Variants in USP43 observed in about 807,000 individuals in gnomAD.
The protein encoded by USP43 is ubiquitin carboxyl-terminal hydrolase 43.
A neutral mutation model predicts 90.7 loss-of-function variants in USP43; 33 were observed. The ratio of observed to expected loss-of-function variants is 0.36; its 90% CI spans 0.28 to 0.49. USP43 has a LOEUF of 0.49. Among genes scored for constraint, USP43 ranks in the 20% least tolerant of loss-of-function variants. The pLI is 0.98. For missense variants in USP43, 1,274 were observed against 1,476.4 expected (o/e 0.86, Z 2.25); for synonymous variants, 598 against 615.8 (o/e 0.97, Z 0.43).
intron 2 of USP43, among the ~76,000 whole-genome samples, chr17:9,659,585 G>GT (rs201511910): frequency 0.011 from 1,721 of 151,946 alleles, 37 homozygotes; most frequent in African/African-American, 0.039. Context: ...CTCTTATCCT[G>GT]TTTTTTTTAC....
rs755930719 is a variant in USP43 at position 9,728,170 on chromosome 17, C to G, written c.2552C>G (p.Ser851Trp). The G allele has an allele frequency of 3.1e-6, 5 of 1,613,928 alleles. No individual in the cohort carries two copies. Among genetic ancestry groups the G allele is most frequent in the Non-Finnish European group, 4.2e-6 (5 of 1,179,888 alleles). The stretch of plus-strand genomic sequence containing the variant: ...CGGTCCACGAGCCAGTCCATTGTGT[C>G]GCTGTTGACGGGCACTGCGGGTGAG... ...RPRSTSQSIV[S>W]LLTGTAGEDE... is the part of the protein sequence containing the mutation. The change falls in exon 15 of 15, where the codon TCG (serine) becomes TGG (tryptophan). Residue 851 changes from serine (S) to tryptophan (W), a missense_variant. Ser to Trp is a radical substitution (Grantham distance 177). Transcript: ENST00000285199. This position sits in a 1 kb window ranked among gnomAD's most constrained non-coding sequence, Gnocchi z 6.2.
At position 9,681,267 on chromosome 17, in the gene USP43, A is replaced by C. The variant is rs1405326724; in HGVS notation, c.1105+901A>C. On this transcript the variant is annotated intron_variant, in intron 6 of 14. Transcript: ENST00000285199. Reference sequence around the variant, plus strand: ...ATTTAATATGTATTTAATATATTTGATATATATTTAATAATTATATATGTT... The same window carrying C: ...ATTTAATATGTATTTAATATATTTGCTATATATTTAATAATTATATATGTT... Among the ~76,000 whole-genome samples the C allele has an allele frequency of 2.8e-5, 3 of 106,286 alleles. 1 individual carries two copies. In the Admixed American group the frequency reaches 3.9e-4, roughly 14 times the overall value. The allele number at this position is 106,286 out of a possible 152,430, so 69.7% of individuals were successfully genotyped here.
At chr17:9,693,399 A>C (rs754850818) in intron 9 of USP43, among the ~76,000 whole-genome samples, 169 bp downstream of exon 9, 2 of 151,038 alleles carry the variant, frequency 1.3e-5, no homozygotes, top group Non-Finnish European at 2.9e-5. Flanking sequence ...CTGTGCTTTG[A>C]ACCCGTATGT....
rs1365218092 is a variant in USP43 at position 9,645,662 on chromosome 17, AG to A, written c.35del (p.Gly12AspfsTer92). The A allele has an allele frequency of 1.6e-6, 2 of 1,268,126 alleles. No individual in the cohort carries two copies. Among genetic ancestry groups the A allele is most frequent in the Non-Finnish European group, 2.0e-6 (2 of 1,012,974 alleles). 78.6% of individuals were successfully genotyped at this position (1,268,126 alleles called of 1,614,324 possible). A position where few individuals can be genotyped will look rare whatever the true frequency, so the allele number is the denominator to read the frequency against. The stretch of plus-strand genomic sequence containing the variant: ...ACCTGGGCCCCGGGGACGCGGCAGG[AG>A]GGGGACCGCTCGCGCCCCGGCCCCG... MDLGPGDAAGGGPLAPRPRRR... is the reference protein window; with the variant it reads MDLGPGDAAGXGPLAPRPRRR... On this transcript the variant is annotated frameshift_variant, in exon 1 of 15. Transcript: ENST00000285199. LOFTEE classifies it high-confidence loss of function. The surrounding 1 kb of genome is among the most constrained non-coding windows in gnomAD (Gnocchi z 6.8).
intron 9 of USP43, among the ~76,000 whole-genome samples, chr17:9,694,085 A>G (rs1210099770): frequency 1.3e-5 from 2 of 152,150 alleles, no homozygotes; most frequent in Admixed American, 6.5e-5. Context: ...TGCAACATCT[A>G]TGGGGCAGTT....
chr17:9,687,456 A>T (rs1219583511), intron 8 of USP43, among the ~76,000 whole-genome samples: 1 of 152,202 alleles, frequency 6.6e-6, no homozygotes, highest in Non-Finnish European at 1.5e-5. Flanking sequence ...AAAAACTAAG[A>T]TAACTCAAAG....
intron 14 of USP43, among the ~76,000 whole-genome samples, chr17:9,719,023 G>C (rs577007118): frequency 6.6e-6 from 1 of 152,162 alleles, no homozygotes; most frequent in Non-Finnish European, 1.5e-5. Flanking sequence ...AGCTACTCGG[G>C]AGGCTGAGGC....
intron 14 of USP43, among the ~76,000 whole-genome samples, chr17:9,715,826 T>C (rs1916515532): frequency 1.3e-5 from 2 of 151,826 alleles, no homozygotes; most frequent in South Asian, 2.1e-4. Context: ...TCTCTGTGTG[T>C]CTATGTGTAT....
intron 8 of USP43, among the ~76,000 whole-genome samples, chr17:9,691,920 G>A (rs112982053): frequency 0.04 from 6,132 of 151,854 alleles, 390 homozygotes; most frequent in African/African-American, 0.14. Flanking sequence ...GCGGGCGCCC[G>A]TAGTCCCAGC....
At chr17:9,690,109 A>T (rs1469875419) in intron 8 of USP43, among the ~76,000 whole-genome samples, 1 of 152,068 alleles carries the variant, frequency 6.6e-6, no homozygotes, top group East Asian at 1.9e-4. Flanking sequence ...CTTGTGGCCG[A>T]TGCTCCCTGC....
chr17:9,728,077 G>C lies in USP43; in HGVS notation c.2459G>C (p.Gly820Ala), dbSNP rs1310977889. 1 of 1,613,824 alleles carries C rather than the reference G, an allele frequency of 6.2e-7. No individual in the cohort carries two copies. The highest frequency in any genetic ancestry group is 1.1e-5 in the South Asian group (1 of 91,064). The change falls in exon 15 of 15, where the codon GGA (glycine) becomes GCA (alanine). Residue 820 changes from glycine (G) to alanine (A), a missense_variant. Transcript: ENST00000285199. This position sits in a 1 kb window ranked among gnomAD's most constrained non-coding sequence, Gnocchi z 6.2. Reference protein sequence around the residue: ...FKTMPLRWSFGSKEKPPGASV... With the variant: ...FKTMPLRWSFASKEKPPGASV... Reference sequence around the variant, plus strand: ...ACCATGCCTCTGCGGTGGTCCTTTGGATCCAAGGAGAAACCACCAGGTGCC... The same window carrying C: ...ACCATGCCTCTGCGGTGGTCCTTTGCATCCAAGGAGAAACCACCAGGTGCC...
At chr17:9,700,462 T>C (rs1597868218) in intron 10 of USP43, among the ~76,000 whole-genome samples, 4 of 152,164 alleles carry the variant, frequency 2.6e-5, no homozygotes, top group Admixed American at 2.6e-4. Flanking sequence ...GTGGTGGTGG[T>C]GGGTGATGTC....
intron 6 of USP43, 116 bp downstream of exon 6, chr17:9,680,482 CTT>C (rs1311206592): frequency 7.6e-6 from 9 of 1,188,638 alleles, no homozygotes; most frequent in African/African-American, 3.0e-5. Context: ...AACAGTCAGA[CTT>C]ATTATCCCTG....
intron 14 of USP43, among the ~76,000 whole-genome samples, chr17:9,712,348 C>T (rs1916256723): frequency 6.6e-6 from 1 of 152,114 alleles, no homozygotes; most frequent in South Asian, 2.1e-4. Flanking sequence ...CTTTTCTCTG[C>T]CCCCGTGTAG....
chr17:9,682,749 A>G, intron 6 of USP43, 74 bp from the exon 7 acceptor site: 1 of 1,545,686 alleles, frequency 6.5e-7, no homozygotes, highest in Non-Finnish European at 8.8e-7. Flanking sequence ...AAGAGGGACT[A>G]GAGAAGCTAA....
At position 9,676,920 on chromosome 17, in the gene USP43, T is replaced by C. The variant is rs201747766; in HGVS notation, c.969+39T>C. 3.0e-5 allele frequency: 48 copies of C among 1,600,270 alleles called. No homozygotes were observed. In the African/African-American group the frequency reaches 4.7e-4, roughly 16 times the overall value. On this transcript the variant is annotated intron_variant, in intron 5 of 14. Coordinates refer to ENST00000285199, the MANE Select transcript of USP43 (RefSeq NM_153210.5). ...GCACTGGGGCCTGGTCATTGGATGATAGAATGCTAACTGAGCCAGCTGTCT... is the reference window on the plus strand; with the variant it reads ...GCACTGGGGCCTGGTCATTGGATGACAGAATGCTAACTGAGCCAGCTGTCT...
chr17:9,675,004 G>A, intron 4 of USP43, 21 bp downstream of exon 4: 1 of 1,604,848 alleles, frequency 6.2e-7, no homozygotes, highest in East Asian at 2.2e-5. Flanking sequence ...GTCGCGGCTT[G>A]CCCGGTGAAC....
At chr17:9,655,308 G>A (rs1912164341) in intron 1 of USP43, among the ~76,000 whole-genome samples, 2 of 152,158 alleles carry the variant, frequency 1.3e-5, no homozygotes, top group African/African-American at 4.8e-5. Context: ...ACACAGACAA[G>A]TGATTTGCTT....
chr17:9,714,346 G>A (rs1313925426), intron 14 of USP43, among the ~76,000 whole-genome samples: 3 of 152,156 alleles, frequency 2.0e-5, no homozygotes, highest in Non-Finnish European at 2.9e-5. Context: ...CACATGGATG[G>A]AACAGTGCTG....
Sources: allele counts gnomAD v4.1 joint callset (sites outside exome capture counted in the v4.1 genomes callset), GRCh38; gene constraint gnomAD v4.1.1; non-coding constraint Gnocchi (gnomAD v3.1); transcripts MANE v1.5; gene names NCBI Gene and HGNC (gene_info 2026-07-23, HGNC 2026-07-21).